RCC1L: variants seen among roughly 807,000 people sequenced by gnomAD.
RCC1L encodes RCC1-like G exchanging factor-like protein.
A neutral mutation model predicts 58.6 loss-of-function variants in RCC1L; 46 were observed. That is an observed-to-expected ratio of 0.79 (90% CI 0.62 to 1.00). The LOEUF (loss-of-function observed/expected upper bound fraction) is 1.00, where lower values mean the gene tolerates loss of function less well. RCC1L is among the 50% of genes least tolerant of loss of function. The pLI, the probability that RCC1L is intolerant of heterozygous loss-of-function variation, is 0.00. For synonymous variants in RCC1L, 281 were observed against 262.9 expected (o/e 1.07, Z -0.67); for missense variants, 636 against 623.6 (o/e 1.02, Z -0.21).
exon 11 of RCC1L, chr7:75,027,719 C>T (rs1584481313): frequency 9.9e-6 from 4 of 404,670 alleles, no homozygotes; most frequent in East Asian, 5.7e-5. Flanking sequence ...GGACCCTGCT[C>T]CTCGGTCACA....
chr7:75,034,586 C>T (rs1805393237), intron 10 of RCC1L, among the ~76,000 whole-genome samples: 1 of 152,094 alleles, frequency 6.6e-6, no homozygotes, highest in East Asian at 1.9e-4. Flanking sequence ...AGGTCTTCGC[C>T]TTGTAAAGGT....
chr7:75,070,659 G>A lies in RCC1L; in HGVS notation c.435C>T (p.His145=). ...GCTCACTTTTATCTTTCCGGCTCCTGTGAAATCCAAGCTGAGAATCTTTGT... is the reference window on the plus strand; with the variant it reads ...GCTCACTTTTATCTTTCCGGCTCCTATGAAATCCAAGCTGAGAATCTTTGT... The part of the protein sequence containing the change: ...GLNKDSQLGF[H]RSRKDKTRGY... The change falls in exon 2 of 11, where the codon CAC becomes CAT. Residue 145 remains histidine (H), a synonymous_variant. Coordinates refer to ENST00000610322, the MANE Select transcript of RCC1L (RefSeq NM_030798.5). 1 of 1,614,034 alleles carries A rather than the reference G, an allele frequency of 6.2e-7. No individual in the cohort carries two copies. Among genetic ancestry groups the A allele is most frequent in the Non-Finnish European group, 8.5e-7 (1 of 1,179,978 alleles).
chr7:75,059,267 C>CTT (rs1242893209), intron 6 of RCC1L, among the ~76,000 whole-genome samples: 7 of 140,178 alleles, frequency 5.0e-5, no homozygotes, highest in Admixed American at 7.2e-5. Context: ...GCTCATACAA[C>CTT]TTTTTTTTTT....
Position 75,073,722 on chromosome 7 carries a change from A to C in RCC1L, c.16T>G (p.Leu6Val). The C allele has an allele frequency of 1.3e-6, 2 of 1,504,276 alleles. No individual in the cohort carries two copies. The highest frequency in any genetic ancestry group is 1.8e-6 in the Non-Finnish European group (2 of 1,133,604). 93.2% of individuals were successfully genotyped at this position (1,504,276 alleles called of 1,614,324 possible). Residue 6 changes from leucine (L) to valine (V), a missense_variant, in exon 1 of 11, where the codon TTG becomes GTG. Transcript: ENST00000610322. ...CGCCCCAGCCGAGCCCCAGCCACCAACGCCACCAGCGCCATCCTCCGTTCC... is the reference window on the plus strand; with the variant it reads ...CGCCCCAGCCGAGCCCCAGCCACCACCGCCACCAGCGCCATCCTCCGTTCC... MALVA[L>V]VAGARLGRRL...
intron 2 of RCC1L, among the ~76,000 whole-genome samples, chr7:75,067,523 G>A (rs1261943794): frequency 6.6e-6 from 1 of 152,120 alleles, no homozygotes; most frequent in African/African-American, 2.4e-5. Context: ...CAGCTACTTA[G>A]GAGGCTGAGG....
chr7:75,069,819 C>G (rs1405667725), intron 2 of RCC1L, among the ~76,000 whole-genome samples: 1 of 152,042 alleles, frequency 6.6e-6, no homozygotes, highest in Non-Finnish European at 1.5e-5. Context: ...CCCTCCTCGG[C>G]TTCCCAAAGT....
At chr7:75,041,756 C>A (rs1009638036), downstream of RCC1L, among the ~76,000 whole-genome samples, 3 of 149,154 alleles carry the variant, frequency 2.0e-5, no homozygotes, top group Non-Finnish European at 4.4e-5. Context: ...CGCAGCTACT[C>A]GGGAGGCTGA....
chr7:75,052,129 C>CA (rs1438686888), intron 10 of RCC1L, among the ~76,000 whole-genome samples: 5 of 152,130 alleles, frequency 3.3e-5, no homozygotes, highest in African/African-American at 9.7e-5. Context: ...TGCATACTAC[C>CA]GCCCCTAAGG....
intron 9 of RCC1L, 100 bp downstream of exon 9, chr7:75,055,801 G>T: frequency 2.1e-6 from 3 of 1,408,626 alleles, no homozygotes; most frequent in Non-Finnish European, 3.0e-6. Context: ...CCGTTCTGTT[G>T]GATGGGTGGA....
In RCC1L at chr7:75,073,643, G is replaced by T. The variant is rs781836499; in HGVS notation, c.95C>A (p.Ser32Tyr). The T allele has an allele frequency of 1.4e-6, 2 of 1,480,064 alleles. No homozygotes were observed. The highest frequency in any genetic ancestry group is 1.5e-5 in the African/African-American group (1 of 68,218). The allele number at this position is 1,480,064 out of a possible 1,614,324, so 91.7% of individuals were successfully genotyped here. The change falls in exon 1 of 11, where the codon TCC (serine) becomes TAC (tyrosine). Residue 32 changes from serine (S) to tyrosine (Y), a missense_variant. By Grantham distance (144) the Ser-to-Tyr change is moderately radical. Coordinates refer to ENST00000610322, the MANE Select transcript of RCC1L (RefSeq NM_030798.5). ...TTCTGCCGCTTCGCGCCGGCTCCGGGAGCGCCCGGCCGCCGTCCAGTGCCC... is the reference window on the plus strand; with the variant it reads ...TTCTGCCGCTTCGCGCCGGCTCCGGTAGCGCCCGGCCGCCGTCCAGTGCCC... The part of the protein sequence containing the change: ...GRGHWTAAGR[S>Y]RSRREAAEAE...
chr7:75,028,981 G>A (rs1447625250), intron 10 of RCC1L, among the ~76,000 whole-genome samples: 2 of 150,140 alleles, frequency 1.3e-5, no homozygotes, highest in Non-Finnish European at 3.0e-5. Flanking sequence ...GAGGCTTCCA[G>A]TGTGGCCTCC....
intron 10 of RCC1L, among the ~76,000 whole-genome samples, chr7:75,034,200 C>A (rs1805380503): frequency 6.6e-6 from 1 of 152,152 alleles, no homozygotes; most frequent in South Asian, 2.1e-4. Context: ...TCTGGATGCA[C>A]ATTGGAGGAC....
intron 10 of RCC1L, among the ~76,000 whole-genome samples, chr7:75,049,990 C>T (rs1805855528): frequency 2.6e-5 from 4 of 152,280 alleles, no homozygotes; most frequent in East Asian, 1.9e-4. Flanking sequence ...GGACAGGGGT[C>T]GAGGCCACTC....
At chr7:75,041,630 A>G (rs1805568603), downstream of RCC1L, among the ~76,000 whole-genome samples, 1 of 151,942 alleles carries the variant, frequency 6.6e-6, no homozygotes, top group South Asian at 2.1e-4. Flanking sequence ...GGACCGAGGC[A>G]GGCAGATCGT....
intron 1 of RCC1L, among the ~76,000 whole-genome samples, chr7:75,072,018 T>C (rs149977002): frequency 0.89 from 131,343 of 148,124 alleles, 58,354 homozygotes; most frequent in East Asian, 0.95. Flanking sequence ...ATCACTTGAA[T>C]CCAGGAGGTC....
rs995225687 is a variant in RCC1L, at chr7:75,036,755, C to T, written c.1318-8676G>A. Among the ~76,000 whole-genome samples, 67 of 152,124 alleles carry T rather than the reference C, an allele frequency of 4.4e-4. 2 individuals are homozygous for T. Among genetic ancestry groups the T allele is most frequent in the Admixed American group, 1.6e-3 (25 of 15,272 alleles). On this transcript the variant is annotated intron_variant, in intron 10 of 10. Coordinates refer to the RCC1L transcript ENST00000614461. Reference sequence around the variant, plus strand: ...CTAAAAATATTAAGACAAAAATTAGCTGGAGTTGGTGGTGCACGTCTGTAG... The same window carrying T: ...CTAAAAATATTAAGACAAAAATTAGTTGGAGTTGGTGGTGCACGTCTGTAG...
At chr7:75,057,468 G>C (rs1806117509) in intron 8 of RCC1L, 61 bp downstream of exon 8, 1 of 1,556,300 alleles carries the variant, frequency 6.4e-7, no homozygotes, top group Non-Finnish European at 8.9e-7. Flanking sequence ...AATGGACACT[G>C]ACCACTCCCT....
Position 75,042,961 on chromosome 7 carries a change from C to G in RCC1L, c.*71G>C. ...CCATCCAAGAACCCCGGGGGGCTGG[C>G]CACGCGCTGGCCTCTGCCAAGGAGT... On this transcript the variant is annotated 3_prime_UTR_variant, in exon 11 of 11. Transcript: ENST00000610322. The G allele has an allele frequency of 6.2e-7, 1 of 1,610,926 alleles. No homozygotes were observed. The highest frequency in any genetic ancestry group is 8.5e-7 in the Non-Finnish European group (1 of 1,178,402).
intron 4 of RCC1L, 42 bp downstream of exon 4, chr7:75,064,540 C>A (rs942918610): frequency 6.2e-7 from 1 of 1,610,754 alleles, no homozygotes; most frequent in South Asian, 1.1e-5. Flanking sequence ...TGTTTTGACA[C>A]TTAACTCAAC....
Sources: gnomAD v4.1 joint callset for allele counts (sites outside exome capture counted in the v4.1 genomes callset) on GRCh38, gnomAD v4.1.1 for gene constraint, MANE v1.5 for transcripts, NCBI Gene and HGNC (gene_info 2026-07-23, HGNC 2026-07-21) for gene names.